The following RNF175 variants were observed in gnomAD, a reference collection of about 807,000 sequenced individuals.
RNF175 encodes the protein ring finger protein 175.
Under a neutral mutation model 50.0 loss-of-function variants are expected in RNF175, and 38 were observed. The observed-to-expected ratio is 0.76, with a 90% confidence interval of 0.59 to 1.00. The LOEUF (loss-of-function observed/expected upper bound fraction) is 1.00. Ranked by LOEUF, RNF175 falls within the 50% of genes least tolerant of loss-of-function variation. RNF175 has a pLI of 0.00. For missense variants in RNF175, 388 were observed against 409.6 expected, an observed-to-expected ratio of 0.95 and a Z score of 0.46; for synonymous variants, 155 against 146.1, an observed-to-expected ratio of 1.06 and a Z score of -0.44.
chr4:153,751,985 T>C (rs1740315381), intron 1 of RNF175, among the ~76,000 whole-genome samples: 1 of 152,258 alleles, frequency 6.6e-6, no homozygotes, highest in African/African-American at 2.4e-5. Context: ...TACTCTCTTG[T>C]TAAGAAGGCA....
At position 153,712,477 on chromosome 4, in the gene RNF175, A is replaced by T. The variant is rs751076153; in HGVS notation, c.864T>A (p.Asn288Lys). 7 of 1,561,498 alleles carry T rather than the reference A, an allele frequency of 4.5e-6. No homozygotes were observed. The South Asian group carries it at 5.6e-5, about 12-fold the overall frequency. ...AACCTTTTTGTTTTAAAGGATATGG[A>T]TTACTGATCATCCTCTTCAAATCAA... is the stretch of plus-strand genomic sequence containing the variant. ...EKVDLKRMIS[N>K]PWERTHFLYG... Residue 288 changes from asparagine (N) to lysine (K), a missense_variant and splice_region_variant, in exon 8 of 9, where the codon AAT (asparagine) becomes AAA (lysine). Coordinates refer to ENST00000347063, the MANE Select transcript of RNF175 (RefSeq NM_173662.4).
At chr4:153,724,444 G>A (rs940021665) in intron 4 of RNF175, among the ~76,000 whole-genome samples, 2 of 152,190 alleles carry the variant, frequency 1.3e-5, no homozygotes, top group Non-Finnish European at 2.9e-5. Context: ...GTGTGCAATG[G>A]CAGAAGGCCC....
rs184329871 is a variant in RNF175, at chr4:153,728,116, C to A, written c.401+91G>T. 3.3e-4 allele frequency: 288 copies of A among 884,706 alleles called. 1 individual carries two copies. The East Asian group carries it at 4.7e-3, about 14-fold the overall frequency. The allele number at this position is 884,706 out of a possible 1,614,324, so 54.8% of individuals were successfully genotyped here. On this transcript the variant is annotated intron_variant, in intron 4 of 8. Coordinates refer to ENST00000347063, the MANE Select transcript of RNF175 (RefSeq NM_173662.4). ...ACACGTAAAAGAAATGTAACCCCCC[C>A]ACTCCCCAACCCAGGAAAATGGCAA...
At chr4:153,759,437 C>G (rs962661385) in intron 1 of RNF175, among the ~76,000 whole-genome samples, 2 of 152,108 alleles carry the variant, frequency 1.3e-5, no homozygotes, top group Non-Finnish European at 2.9e-5. Context: ...GGGCTTCCGC[C>G]GAGGAGGGAG....
chr4:153,736,251 T>C (rs540933197), intron 3 of RNF175, among the ~76,000 whole-genome samples: 115 of 152,350 alleles, frequency 7.5e-4, no homozygotes, highest in African/African-American at 2.8e-3. Flanking sequence ...CCTCTTGATG[T>C]GATTATTTAC....
intron 3 of RNF175, among the ~76,000 whole-genome samples, chr4:153,742,510 G>A (rs1372014574): frequency 6.6e-6 from 1 of 152,066 alleles, no homozygotes; most frequent in Non-Finnish European, 1.5e-5. Context: ...AGTATCTATT[G>A]GATGCTTTCG....
chr4:153,721,109 A>G (rs1048299196), intron 5 of RNF175, among the ~76,000 whole-genome samples: 6 of 152,284 alleles, frequency 3.9e-5, no homozygotes, highest in Admixed American at 1.3e-4. Flanking sequence ...TGTAAGTTAA[A>G]TCATATTTCA....
At chr4:153,743,441 G>A (rs149590239) in intron 3 of RNF175, among the ~76,000 whole-genome samples, 2 of 152,246 alleles carry the variant, frequency 1.3e-5, no homozygotes, top group African/African-American at 4.8e-5. Context: ...TAGATGGATT[G>A]ATGTGCAAAG....
In RNF175 at chr4:153,759,814, G is replaced by A. The variant is rs998525482; in HGVS notation, c.49C>T (p.Pro17Ser). The change falls in exon 1 of 9, where the codon CCC (proline) becomes TCC (serine). Residue 17 changes from proline to serine, a missense_variant. Pro to Ser is a moderately conservative substitution (Grantham distance 74). Coordinates refer to ENST00000347063, the MANE Select transcript of RNF175 (RefSeq NM_173662.4). ...GCCAGTACCTGCTCCTGCTGCGGGG[G>A]GGCCTCCAGCACCGGCGCTGCCTTC... ...ARKAAPVLEAPPQQEQLSHTK... is the reference protein window; with the variant it reads ...ARKAAPVLEASPQQEQLSHTK... 2.0e-6 allele frequency: 3 copies of A among 1,477,274 alleles called. No individual in the cohort carries two copies. The highest frequency in any genetic ancestry group is 2.9e-5 in the African/African-American group (2 of 68,020). The allele number at this position is 1,477,274 out of a possible 1,614,324, so 91.5% of individuals were successfully genotyped here.
At chr4:153,757,361 G>A (rs554754556) in intron 1 of RNF175, among the ~76,000 whole-genome samples, 1 of 152,136 alleles carries the variant, frequency 6.6e-6, no homozygotes, top group African/African-American at 2.4e-5. Context: ...CTGCCACCCC[G>A]ATTGGCTTTC....
intron 6 of RNF175, among the ~76,000 whole-genome samples, chr4:153,719,924 T>C (rs1560772332): frequency 1.3e-5 from 2 of 152,234 alleles, no homozygotes; most frequent in Non-Finnish European, 2.9e-5. Flanking sequence ...ATTTGCGTAT[T>C]TTATTTTAAA....
intron 3 of RNF175, among the ~76,000 whole-genome samples, chr4:153,741,466 A>G (rs1739653174): frequency 6.6e-6 from 1 of 152,142 alleles, no homozygotes; most frequent in Non-Finnish European, 1.5e-5. Context: ...ACACTACTCT[A>G]TGCACTGCTT....
chr4:153,745,485 T>G (rs1739921455), intron 3 of RNF175, among the ~76,000 whole-genome samples: 1 of 152,240 alleles, frequency 6.6e-6, no homozygotes. Flanking sequence ...GAAATCTTGC[T>G]CCATGTTGCT....
At chr4:153,714,691 A>G (rs1200714641) in intron 7 of RNF175, 4 of 152,272 alleles carry the variant, frequency 2.6e-5, no homozygotes, top group East Asian at 1.9e-4. Flanking sequence ...TATCCATAGC[A>G]AAAGTAGTGT....
At position 153,723,663 on chromosome 4, in the gene RNF175, C is replaced by T. The variant is rs1396986854; in HGVS notation, c.402-205G>A. On this transcript the variant is annotated intron_variant, in intron 4 of 8. Transcript: ENST00000347063. The stretch of plus-strand genomic sequence containing the variant: ...ATAGAACTATCATGCTCATGTGTTT[C>T]TGTGTATATGCGTATGTGAATTCTT... 2.0e-5 allele frequency among the ~76,000 whole-genome samples: 3 copies of T among 152,142 alleles called. No individual in the cohort carries two copies. The East Asian group carries it at 5.8e-4, about 29-fold the overall frequency.
chr4:153,726,451 T>C (rs557093973), intron 4 of RNF175, among the ~76,000 whole-genome samples: 1 of 152,262 alleles, frequency 6.6e-6, no homozygotes, highest in South Asian at 2.1e-4. Flanking sequence ...AAACCAACTG[T>C]AGTTGAGAGG....
chr4:153,748,591 A>C (rs1740105688), intron 3 of RNF175, 54 bp downstream of exon 3: 4 of 1,466,194 alleles, frequency 2.7e-6, no homozygotes, highest in Non-Finnish European at 3.6e-6. Context: ...GGAAAAAAAC[A>C]GTCAAGCTGA....
chr4:153,746,269 A>G (rs1393967787), intron 3 of RNF175, among the ~76,000 whole-genome samples: 1 of 152,254 alleles, frequency 6.6e-6, no homozygotes, highest in Non-Finnish European at 1.5e-5. Flanking sequence ...AAGGTAAACA[A>G]TACTAAATCC....
At chr4:153,754,901 T>C (rs930580764) in intron 1 of RNF175, among the ~76,000 whole-genome samples, 1 of 152,186 alleles carries the variant, frequency 6.6e-6, no homozygotes, top group African/African-American at 2.4e-5. Context: ...GACACCTAGA[T>C]TTTGAACTCC....
Sources: gnomAD v4.1 joint callset for allele counts (sites outside exome capture counted in the v4.1 genomes callset) on GRCh38, gnomAD v4.1.1 for gene constraint, MANE v1.5 for transcripts, NCBI Gene and HGNC (gene_info 2026-07-23, HGNC 2026-07-21) for gene names.